Variants in ZNF827 observed in about 807,000 individuals in gnomAD.
ZNF827 encodes the protein zinc finger protein 827.
ZNF827 carries 13 observed loss-of-function variants against 102.4 expected under a neutral mutation model. The observed-to-expected ratio is 0.13, with a 90% CI of 0.08 to 0.20. The LOEUF (loss-of-function observed/expected upper bound fraction) is 0.20. Among genes scored for constraint, ZNF827 ranks in the 10% least tolerant of loss-of-function variants. The probability of loss-of-function intolerance (pLI) is 1.00; values close to 1 mark genes in which losing one functional copy is unlikely to be tolerated. For missense variants in ZNF827, 1,103 were observed against 1,344.4 expected, an observed-to-expected ratio of 0.82 and a Z score of 2.81; for synonymous variants, 523 against 536.2, an observed-to-expected ratio of 0.98 and a Z score of 0.34.
rs1168957716 is a variant in ZNF827, at chr4:145,762,817, C to G, written c.*17+273G>C. ...ATATGAGAACTGTAGTGTGTTTGCT[C>G]TCTTTCCACAAAGAATGCAGATGCA... On this transcript the variant is annotated intron_variant, in intron 14 of 14. Coordinates refer to ENST00000508784, the MANE Select transcript of ZNF827 (RefSeq NM_001306215.2). This position sits in a 1 kb window ranked among gnomAD's most constrained non-coding sequence, Gnocchi z 4.9. Among the ~76,000 whole-genome samples the G allele has an allele frequency of 6.6e-6, 1 of 152,212 alleles. No individual in the cohort carries two copies. The highest frequency in any genetic ancestry group is 1.5e-5 in the Non-Finnish European group (1 of 68,036).
At position 145,902,126 on chromosome 4, in the gene ZNF827, T is replaced by C. The variant is rs1561058533; in HGVS notation, c.1093+40A>G. 22 of 1,546,370 alleles carry C rather than the reference T, an allele frequency of 1.4e-5. No homozygotes were observed. The highest frequency in any genetic ancestry group is 1.9e-5 in the Non-Finnish European group (22 of 1,151,826). The stretch of plus-strand genomic sequence containing the variant: ...GAATAAGACATCGCAGTTTATAGTC[T>C]AAAGGACTTACACGATGATTGAAAG... On this transcript the variant is annotated intron_variant, in intron 2 of 14. Coordinates refer to ENST00000508784, the MANE Select transcript of ZNF827 (RefSeq NM_001306215.2). This position sits in a 1 kb window ranked among gnomAD's most constrained non-coding sequence, Gnocchi z 4.3.
chr4:145,900,354 T>C (rs1272434109), intron 2 of ZNF827, among the ~76,000 whole-genome samples: 1 of 152,152 alleles, frequency 6.6e-6, no homozygotes, highest in Non-Finnish European at 1.5e-5. Context: ...AGAAACGCCA[T>C]TCACACATTT....
intron 4 of ZNF827, among the ~76,000 whole-genome samples, chr4:145,883,305 G>A (rs562119492): frequency 5.3e-4 from 80 of 152,296 alleles, no homozygotes; most frequent in Middle Eastern, 3.4e-3. Context: ...TGGGCCTTTT[G>A]CATAAATAGT....
chr4:145,865,453 C>T (rs541432160), intron 5 of ZNF827, among the ~76,000 whole-genome samples: 4 of 152,302 alleles, frequency 2.6e-5, no homozygotes, highest in East Asian at 1.9e-4. Context: ...CTGTCAGAAT[C>T]GCTAGGAGGG....
chr4:145,820,848 C>G (rs549440759), intron 8 of ZNF827, among the ~76,000 whole-genome samples: 1 of 152,204 alleles, frequency 6.6e-6, no homozygotes, highest in South Asian at 2.1e-4. Flanking sequence ...TCCTTTCACA[C>G]TCCAATCTTA....
chr4:145,914,714 T>C (rs1318778053), intron 1 of ZNF827, among the ~76,000 whole-genome samples: 3 of 152,230 alleles, frequency 2.0e-5, no homozygotes, highest in African/African-American at 7.2e-5. Flanking sequence ...TAAATTAACA[T>C]TCCCTTAACA....
At chr4:145,811,316 A>G (rs951148780) in intron 8 of ZNF827, among the ~76,000 whole-genome samples, 2 of 152,074 alleles carry the variant, frequency 1.3e-5, no homozygotes, top group African/African-American at 4.8e-5. Context: ...TTATATTTTT[A>G]ATAGAGTATT....
chr4:145,859,910 T>C (rs910626483), intron 5 of ZNF827, among the ~76,000 whole-genome samples: 1 of 152,182 alleles, frequency 6.6e-6, no homozygotes, highest in African/African-American at 2.4e-5. Flanking sequence ...GAAAATATTT[T>C]AAACAGTATG....
intron 3 of ZNF827, among the ~76,000 whole-genome samples, chr4:145,887,464 C>T (rs1750211836): frequency 1.3e-5 from 2 of 152,118 alleles, no homozygotes; most frequent in African/African-American, 4.8e-5. Flanking sequence ...GAGATCCTGT[C>T]GCTACAGCAC....
intron 5 of ZNF827, among the ~76,000 whole-genome samples, chr4:145,850,631 A>G (rs1015071454): frequency 6.6e-6 from 1 of 152,240 alleles, no homozygotes; most frequent in Admixed American, 6.5e-5. Flanking sequence ...ATGATAAAAC[A>G]TCTTTGAAAC....
intron 8 of ZNF827, among the ~76,000 whole-genome samples, chr4:145,789,224 T>A (rs1007812372): frequency 1.3e-5 from 2 of 152,170 alleles, no homozygotes; most frequent in Non-Finnish European, 2.9e-5. Context: ...TTACATTGCC[T>A]ATTTCTGAAT....
intron 8 of ZNF827, among the ~76,000 whole-genome samples, chr4:145,789,606 A>G (rs1411015429): frequency 6.6e-6 from 1 of 152,218 alleles, no homozygotes; most frequent in South Asian, 2.1e-4. Flanking sequence ...GCTGAACTCA[A>G]CGTCACCTAG....
chr4:145,846,082 A>C, intron 6 of ZNF827, 69 bp from the exon 7 acceptor site: 2 of 1,498,420 alleles, frequency 1.3e-6, no homozygotes. Flanking sequence ...TTTTAGCCTT[A>C]AGCAGAAAAA....
rs1734374448 is a variant in ZNF827 at position 145,760,808 on chromosome 4, C to T, written c.*808G>A. The T allele has an allele frequency of 5.1e-6, 6 of 1,185,984 alleles. No individual in the cohort carries two copies. Among genetic ancestry groups the T allele is most frequent in the South Asian group, 3.1e-5 (2 of 63,752 alleles). 73.5% of individuals were successfully genotyped at this position (1,185,984 alleles called of 1,614,324 possible). On this transcript the variant is annotated 3_prime_UTR_variant, in exon 15 of 15. Coordinates refer to ENST00000508784, the MANE Select transcript of ZNF827 (RefSeq NM_001306215.2). ...ACAGTCTCTGCTCTTTCTCTCAGTC[C>T]GAGATAGGCCAGGAAGGAGTGTTTG...
chr4:145,918,417 A>T (rs561994704), intron 1 of ZNF827, among the ~76,000 whole-genome samples: 72 of 149,658 alleles, frequency 4.8e-4, no homozygotes, highest in Middle Eastern at 6.9e-3. Context: ...TTTATATATA[A>T]AAAAAAAAAG....
chr4:145,825,928 T>C (rs1413876350), intron 7 of ZNF827, among the ~76,000 whole-genome samples: 1 of 152,218 alleles, frequency 6.6e-6, no homozygotes, highest in Non-Finnish European at 1.5e-5. Context: ...TCCTGCTGGA[T>C]ACTAAAAATG....
rs933519136 is a variant in ZNF827, at chr4:145,892,295, G to A, written c.1214C>T (p.Pro405Leu). The A allele has an allele frequency of 1.9e-6, 3 of 1,614,094 alleles. No homozygotes were observed. Among genetic ancestry groups the A allele is most frequent in the East Asian group, 2.2e-5 (1 of 44,878 alleles). ...GCGAGCACACCGGAATGGACAGAGC[G>A]GACACTGATGACTTTTTAAACCTGT... ...IHTGLKSHQC[P>L]LCPFRCARKD... The change falls in exon 3 of 15, where the codon CCG (proline) becomes CTG (leucine). Residue 405 changes from proline to leucine, a missense_variant. Physicochemically the swap from Pro to Leu is moderately conservative, Grantham distance 98. Around this residue, in one of 5 missense-constraint regions of ZNF827, gnomAD observed 20 missense variants for 60.6 expected, o/e 0.33. Transcript: ENST00000508784.
At position 145,761,141 on chromosome 4, in the gene ZNF827, G is replaced by A; in HGVS notation, c.*475C>T. 1 of 1,289,774 alleles carries A rather than the reference G, an allele frequency of 7.8e-7. No individual in the cohort carries two copies. Among genetic ancestry groups the A allele is most frequent in the Non-Finnish European group, 1.0e-6 (1 of 988,806 alleles). 79.9% of individuals were successfully genotyped at this position (1,289,774 alleles called of 1,614,324 possible). On this transcript the variant is annotated 3_prime_UTR_variant, in exon 15 of 15. Transcript: ENST00000508784. This position sits in a 1 kb window ranked among gnomAD's most constrained non-coding sequence, Gnocchi z 6.8. ...AGGAGCGGGGCCCCCGGGCCGGCCG[G>A]TTCCTTGGGGGCTGGACACAGGCCC...
rs570176420 is a variant in ZNF827, at chr4:145,877,381, G to T, written c.1748-6903C>A. Among the ~76,000 whole-genome samples the T allele has an allele frequency of 6.3e-4, 96 of 152,240 alleles. No homozygotes were observed. In the South Asian group the frequency reaches 0.02, roughly 32 times the overall value. ...AAGAAACTGCCTTCTGAAATCGTAAGAAAAGCCAAGATTTAATTAAATAAT... is the reference window on the plus strand; with the variant it reads ...AAGAAACTGCCTTCTGAAATCGTAATAAAAGCCAAGATTTAATTAAATAAT... On this transcript the variant is annotated intron_variant, in intron 4 of 14. Coordinates refer to ENST00000508784, the MANE Select transcript of ZNF827 (RefSeq NM_001306215.2).
Sources: gnomAD v4.1 joint callset for allele counts (sites outside exome capture counted in the v4.1 genomes callset) on GRCh38, gnomAD v4.1.1 for gene constraint, gnomAD v4.1.1 regional missense constraint, Gnocchi (gnomAD v3.1) non-coding constraint, MANE v1.5 for transcripts, NCBI Gene and HGNC (gene_info 2026-07-23, HGNC 2026-07-21) for gene names.